ECHDC1: variants seen among roughly 807,000 people sequenced by gnomAD.
The protein encoded by ECHDC1 is ethylmalonyl-CoA decarboxylase 1.
ECHDC1 carries 29 observed loss-of-function variants against 29.7 expected under a neutral mutation model. The observed-to-expected ratio is 0.98, with a 90% CI of 0.73 to 1.33. The LOEUF is 1.33. Among genes scored for constraint, ECHDC1 ranks in the 40% most tolerant of loss-of-function variants. The probability of loss-of-function intolerance (pLI) is 0.00; values close to 1 mark genes in which losing one functional copy is unlikely to be tolerated. For synonymous variants in ECHDC1, 126 were observed against 123.1 expected, an observed-to-expected ratio of 1.02 and a Z score of -0.15; for missense variants, 328 against 350.0, an observed-to-expected ratio of 0.94 and a Z score of 0.50.
chr6:127,336,132 T>C (rs1276788638), intron 1 of ECHDC1, among the ~76,000 whole-genome samples: 1 of 152,138 alleles, frequency 6.6e-6, no homozygotes, highest in Non-Finnish European at 1.5e-5. Context: ...TGGAAATGTT[T>C]AGTGACACAA....
intron 2 of ECHDC1, among the ~76,000 whole-genome samples, chr6:127,328,594 C>T (rs1008259576): frequency 2.0e-5 from 3 of 152,296 alleles, no homozygotes; most frequent in East Asian, 1.9e-4. Flanking sequence ...CAAGGATGTC[C>T]TAGATCCTTT....
At chr6:127,310,027 A>G (rs1344891672) in intron 5 of ECHDC1, among the ~76,000 whole-genome samples, 1 of 152,154 alleles carries the variant, frequency 6.6e-6, no homozygotes, top group African/African-American at 2.4e-5. Flanking sequence ...ACAGAGCCAA[A>G]CCATATCAAC....
rs80267087 is a variant in ECHDC1, at chr6:127,293,170, A to T, written c.498-2893T>A. On this transcript the variant is annotated intron_variant, in intron 5 of 5. Coordinates refer to ENST00000454859, the MANE Select transcript of ECHDC1 (RefSeq NM_001002030.2). ...CTGTTCAGTGAGTTACTACTTCTTG[A>T]TGAGTTAACTCTTAAGTTTCAGGTC... Among the ~76,000 whole-genome samples the T allele has an allele frequency of 3.4e-3, 525 of 152,276 alleles. 3 individuals are homozygous for T. Among genetic ancestry groups the T allele is most frequent in the Non-Finnish European group, 5.5e-3 (371 of 67,982 alleles).
chr6:127,289,576 T>C lies in ECHDC1; in HGVS notation c.*293A>G. 3.7e-6 allele frequency: 1 copy of C among 270,408 alleles called. No individual in the cohort carries two copies. Among genetic ancestry groups the C allele is most frequent in the Admixed American group, 4.7e-5 (1 of 21,148 alleles). The allele number at this position is 270,408 out of a possible 1,614,324, so 16.8% of individuals were successfully genotyped here. Reference sequence around the variant, plus strand: ...AGGTTTTGTATAGAAGCTCTCCTTTTAAACACTGCTCTTTGGTTATAAGCT... The same window carrying C: ...AGGTTTTGTATAGAAGCTCTCCTTTCAAACACTGCTCTTTGGTTATAAGCT... On this transcript the variant is annotated 3_prime_UTR_variant, in exon 6 of 6. Transcript: ENST00000454859.
chr6:127,300,309 A>G (rs1295409828), intron 5 of ECHDC1, among the ~76,000 whole-genome samples: 5 of 152,244 alleles, frequency 3.3e-5, no homozygotes, highest in Non-Finnish European at 1.5e-5. Flanking sequence ...TGCCAAGCCC[A>G]TACGTGGTAG....
At chr6:127,322,337 TA>T (rs1343100407) in intron 3 of ECHDC1, among the ~76,000 whole-genome samples, 1 of 152,106 alleles carries the variant, frequency 6.6e-6, no homozygotes, top group Non-Finnish European at 1.5e-5. Flanking sequence ...ATGTTTTAAA[TA>T]AAATAAGATT....
intron 4 of ECHDC1, chr6:127,315,167 G>C: frequency 1.7e-6 from 1 of 581,072 alleles, no homozygotes; most frequent in South Asian, 1.5e-5. Flanking sequence ...TTAAGCTATA[G>C]CCATATTGTA....
intron 3 of ECHDC1, among the ~76,000 whole-genome samples, chr6:127,322,923 A>C (rs1305941359): frequency 6.6e-6 from 1 of 152,104 alleles, no homozygotes. Context: ...TTGAGAGATG[A>C]AAAATACATA....
intron 5 of ECHDC1, among the ~76,000 whole-genome samples, chr6:127,302,968 T>A (rs1781165006): frequency 1.3e-5 from 2 of 152,168 alleles, no homozygotes; most frequent in African/African-American, 4.8e-5. Flanking sequence ...AACTTTTTTT[T>A]ATTGTGCATA....
intron 3 of ECHDC1, among the ~76,000 whole-genome samples, chr6:127,322,469 T>A (rs1782910963): frequency 6.6e-6 from 1 of 152,184 alleles, no homozygotes; most frequent in Non-Finnish European, 1.5e-5. Context: ...CCTCAGCTGT[T>A]AACCAAGATT....
At chr6:127,333,761 T>A (rs1462309589) in intron 1 of ECHDC1, among the ~76,000 whole-genome samples, 2 of 151,430 alleles carry the variant, frequency 1.3e-5, no homozygotes, top group Non-Finnish European at 2.9e-5. Context: ...TTGCTCAACC[T>A]TAGAATATAC....
intron 3 of ECHDC1, 142 bp downstream of exon 3, chr6:127,326,860 C>T (rs575387560): frequency 1.0e-6 from 1 of 953,278 alleles, no homozygotes; most frequent in African/African-American, 1.7e-5. Context: ...ATAATCCTAC[C>T]AAAAACAAAA....
chr6:127,338,081 T>G (rs1784590025), intron 1 of ECHDC1, among the ~76,000 whole-genome samples: 1 of 152,236 alleles, frequency 6.6e-6, no homozygotes, highest in South Asian at 2.1e-4. Flanking sequence ...TCTTGGCATA[T>G]GGACCATTAA....
intron 3 of ECHDC1, among the ~76,000 whole-genome samples, chr6:127,317,349 G>A (rs1782470449): frequency 6.6e-6 from 1 of 151,470 alleles, no homozygotes; most frequent in Non-Finnish European, 1.5e-5. Flanking sequence ...TTTTTTGGAA[G>A]TCTCATCTAC....
intron 1 of ECHDC1, among the ~76,000 whole-genome samples, chr6:127,334,210 A>G (rs1298676162): frequency 6.6e-6 from 1 of 152,096 alleles, no homozygotes; most frequent in Non-Finnish European, 1.5e-5. Flanking sequence ...GGCTTCTCAA[A>G]ATCATTATTT....
At chr6:127,316,416 T>C (rs1164833401) in intron 4 of ECHDC1, 34 bp downstream of exon 4, 1 of 1,568,142 alleles carries the variant, frequency 6.4e-7, no homozygotes, top group Non-Finnish European at 8.6e-7. Flanking sequence ...TTTGGTCTTT[T>C]AGAAATCATA....
intron 5 of ECHDC1, among the ~76,000 whole-genome samples, chr6:127,304,575 T>C (rs1781301705): frequency 6.6e-6 from 1 of 152,140 alleles, no homozygotes; most frequent in South Asian, 2.1e-4. Flanking sequence ...AGACCAATAC[T>C]GGAAAAAGAG....
intron 5 of ECHDC1, among the ~76,000 whole-genome samples, chr6:127,290,641 C>G (rs1283709346): frequency 6.6e-6 from 1 of 151,894 alleles, no homozygotes; most frequent in African/African-American, 2.4e-5. Context: ...AACCGAAAAG[C>G]ATAGTAAGTT....
intron 1 of ECHDC1, chr6:127,343,040 T>G (rs1282293826): frequency 6.6e-6 from 1 of 152,216 alleles, no homozygotes; most frequent in Non-Finnish European, 1.5e-5. Context: ...CTTTTTAAAG[T>G]GTAATCTCGC....
Sources: gnomAD v4.1 joint callset for allele counts (sites outside exome capture counted in the v4.1 genomes callset) on GRCh38, gnomAD v4.1.1 for gene constraint, MANE v1.5 for transcripts, NCBI Gene and HGNC (gene_info 2026-07-23, HGNC 2026-07-21) for gene names.